Variants in KIAA0825 observed in about 807,000 individuals in gnomAD.
KIAA0825 encodes the protein uncharacterized protein KIAA0825.
Under a neutral mutation model 147.6 loss-of-function variants are expected in KIAA0825, and 119 were observed. The observed-to-expected ratio is 0.81, with a 90% CI of 0.69 to 0.94. The LOEUF is 0.94. KIAA0825 is among the 40% of genes least tolerant of loss of function. The pLI is 0.00. For missense variants in KIAA0825, 1,381 were observed against 1,472.7 expected (o/e 0.94, Z 1.02); for synonymous variants, 470 against 518.1 (o/e 0.91, Z 1.26).
chr5:94,287,651 G>A (rs1218132892), intron 20 of KIAA0825, among the ~76,000 whole-genome samples: 1 of 152,260 alleles, frequency 6.6e-6, no homozygotes, highest in East Asian at 1.9e-4. Flanking sequence ...GTATTTAGAA[G>A]CTGAAGAAAA....
rs79353617 is a variant in KIAA0825, at chr5:94,219,338, G to T, written c.3711-65214C>A. 3.7e-4 allele frequency among the ~76,000 whole-genome samples: 57 copies of T among 152,170 alleles called. No homozygotes were observed. The East Asian group carries it at 8.7e-3, about 23-fold the overall frequency. On this transcript the variant is annotated intron_variant, in intron 20 of 20. Coordinates refer to ENST00000682413, the MANE Select transcript of KIAA0825 (RefSeq NM_001145678.3). ...TAATGTTGCCGCTGATCTGAGAGGA[G>T]GTGGAGCTCAGGTTCACTCACTTGC...
rs543535140 is a variant in KIAA0825, at chr5:94,436,413, C to T, written c.2497+3569G>A. Among the ~76,000 whole-genome samples the T allele has an allele frequency of 1.2e-4, 19 of 152,164 alleles. No homozygotes were observed. In the South Asian group the frequency reaches 2.5e-3, roughly 20 times the overall value. On this transcript the variant is annotated intron_variant, in intron 14 of 20. Transcript: ENST00000682413. ...TCTCCATTGCTTTTGTCAGATTTGT[C>T]GAAGATCACACAGTTGTAGGTGTGC...
chr5:94,422,919 G>A (rs1754384613), intron 14 of KIAA0825, among the ~76,000 whole-genome samples: 1 of 152,164 alleles, frequency 6.6e-6, no homozygotes, highest in Non-Finnish European at 1.5e-5. Context: ...TCACACTTCT[G>A]GTCTCACCCC....
At chr5:94,581,834 G>A (rs1451514080) in intron 2 of KIAA0825, among the ~76,000 whole-genome samples, 1 of 152,188 alleles carries the variant, frequency 6.6e-6, no homozygotes, top group East Asian at 1.9e-4. Flanking sequence ...AAAAGGTGAG[G>A]TGGATGCATT....
At chr5:94,299,297 G>A (rs749729254) in intron 20 of KIAA0825, among the ~76,000 whole-genome samples, 5 of 151,982 alleles carry the variant, frequency 3.3e-5, no homozygotes, top group Non-Finnish European at 5.9e-5. Flanking sequence ...GCACACAGCA[G>A]CCTCAAACTC....
chr5:94,373,945 G>A (rs1584296014), intron 20 of KIAA0825, among the ~76,000 whole-genome samples: 1 of 152,026 alleles, frequency 6.6e-6, no homozygotes. Context: ...CCTTACAGAA[G>A]TCAATTCTCT....
intron 20 of KIAA0825, among the ~76,000 whole-genome samples, chr5:94,265,163 A>T (rs781199268): frequency 2.4e-4 from 37 of 152,172 alleles, no homozygotes; most frequent in Non-Finnish European, 4.9e-4. Flanking sequence ...TAACAATTTC[A>T]TGTCATTCAA....
At chr5:94,353,421 C>A (rs565985819) in intron 20 of KIAA0825, among the ~76,000 whole-genome samples, 1 of 152,242 alleles carries the variant, frequency 6.6e-6, no homozygotes, top group African/African-American at 2.4e-5. Context: ...CTGTTAATTT[C>A]ATTAACACTT....
At chr5:94,193,964 G>A (rs1770901753) in intron 20 of KIAA0825, among the ~76,000 whole-genome samples, 1 of 152,104 alleles carries the variant, frequency 6.6e-6, no homozygotes, top group Non-Finnish European at 1.5e-5. Flanking sequence ...ATATTATTTG[G>A]GGATAGGGCT....
chr5:94,393,954 T>G (rs1212263082), intron 17 of KIAA0825, among the ~76,000 whole-genome samples: 1 of 151,860 alleles, frequency 6.6e-6, no homozygotes, highest in Non-Finnish European at 1.5e-5. Context: ...GTTCAAGCGA[T>G]TCTCCTGTCT....
intron 14 of KIAA0825, among the ~76,000 whole-genome samples, chr5:94,429,094 T>A (rs1755293276): frequency 6.6e-6 from 1 of 152,184 alleles, no homozygotes; most frequent in Non-Finnish European, 1.5e-5. Context: ...ATTTCCTGGA[T>A]TGCTTTAGAA....
intron 20 of KIAA0825, among the ~76,000 whole-genome samples, chr5:94,303,421 C>A (rs1778529084): frequency 1.3e-5 from 2 of 151,928 alleles, no homozygotes; most frequent in Admixed American, 1.3e-4. Context: ...AAGAAACAAA[C>A]CACCACCCTT....
chr5:94,438,829 C>A (rs1756704166), intron 14 of KIAA0825, among the ~76,000 whole-genome samples: 1 of 152,150 alleles, frequency 6.6e-6, no homozygotes, highest in Non-Finnish European at 1.5e-5. Context: ...GCTGGTAGGG[C>A]CCGATGACAT....
At chr5:94,393,160 C>T (rs539174162) in intron 17 of KIAA0825, among the ~76,000 whole-genome samples, 5 of 152,072 alleles carry the variant, frequency 3.3e-5, no homozygotes, top group East Asian at 1.9e-4. Flanking sequence ...AGTTCCTCTC[C>T]GGATTTGGGA....
chr5:94,495,081 C>A (rs1282136546), intron 5 of KIAA0825, among the ~76,000 whole-genome samples: 2 of 152,112 alleles, frequency 1.3e-5, no homozygotes, highest in African/African-American at 2.4e-5. Context: ...TCTCTTCACA[C>A]TTTTTTATCA....
chr5:94,603,554 G>T (rs964170113), intron 1 of KIAA0825, among the ~76,000 whole-genome samples: 19 of 152,142 alleles, frequency 1.2e-4, no homozygotes, highest in African/African-American at 4.6e-4. Flanking sequence ...AAGATGACAG[G>T]ATCAAATTCA....
chr5:94,381,722 C>A (rs367593870), intron 20 of KIAA0825, among the ~76,000 whole-genome samples: 1 of 152,094 alleles, frequency 6.6e-6, no homozygotes, highest in Non-Finnish European at 1.5e-5. Context: ...AGTAGCTTTA[C>A]AATTATTATT....
chr5:94,319,323 C>G (rs1479294589), intron 20 of KIAA0825, among the ~76,000 whole-genome samples: 3 of 151,810 alleles, frequency 2.0e-5, no homozygotes, highest in African/African-American at 7.3e-5. Context: ...CCCTAGGCCC[C>G]CAGATCTCAA....
chr5:94,444,237 T>C (rs145596398), intron 13 of KIAA0825, among the ~76,000 whole-genome samples: 2 of 152,194 alleles, frequency 1.3e-5, no homozygotes, highest in African/African-American at 4.8e-5. Context: ...TACACACCTC[T>C]ACCAGGGGGA....
Sources: allele counts gnomAD v4.1 joint callset (sites outside exome capture counted in the v4.1 genomes callset), GRCh38; gene constraint gnomAD v4.1.1; transcripts MANE v1.5; gene names NCBI Gene and HGNC (gene_info 2026-07-23, HGNC 2026-07-21).